The following SLC35F4 variants were observed in gnomAD, a reference collection of about 807,000 sequenced individuals.
SLC35F4 encodes solute carrier family 35 member F4, also known as chromosome 14 open reading frame 36.
SLC35F4 carries 24 observed loss-of-function variants against 44.2 expected under a neutral mutation model. The ratio of observed to expected loss-of-function variants is 0.54; its 90% CI spans 0.39 to 0.76. The LOEUF is 0.76. Ranked by LOEUF, SLC35F4 falls within the 30% of genes least tolerant of loss-of-function variation. The pLI, the probability that SLC35F4 is intolerant of heterozygous loss-of-function variation, is 0.00. For synonymous variants in SLC35F4, 238 were observed against 223.6 expected (o/e 1.06, Z -0.57); for missense variants, 562 against 586.1 (o/e 0.96, Z 0.42).
chr14:57,953,026 G>A (rs1890169245), intron 1 of SLC35F4, among the ~76,000 whole-genome samples: 2 of 152,060 alleles, frequency 1.3e-5, no homozygotes, highest in South Asian at 4.1e-4. Context: ...AAATGTTAAG[G>A]GGAGCCAGAG....
intron 1 of SLC35F4, among the ~76,000 whole-genome samples, chr14:57,854,505 G>A (rs979166450): frequency 2.0e-5 from 3 of 152,092 alleles, no homozygotes; most frequent in African/African-American, 7.2e-5. Context: ...TACTTCCAAT[G>A]GACATTCCCG....
At chr14:57,679,491 A>C (rs560552140) in intron 1 of SLC35F4, among the ~76,000 whole-genome samples, 2 of 152,194 alleles carry the variant, frequency 1.3e-5, no homozygotes, top group East Asian at 3.9e-4. Context: ...AAACAAATTT[A>C]AAAGCTAGCA....
rs542995126 is a variant in SLC35F4 at position 57,855,397 on chromosome 14, T to G, written c.103+10326A>C. 2.0e-5 allele frequency among the ~76,000 whole-genome samples: 3 copies of G among 152,210 alleles called. No individual in the cohort carries two copies. In the South Asian group the frequency reaches 6.2e-4, roughly 32 times the overall value. On this transcript the variant is annotated intron_variant, in intron 1 of 7. Transcript: ENST00000556826. ...GGCAAAGAATATGAACAGACACTTC[T>G]CAAAAGAAGACATTTATGCAGCCAA...
intron 1 of SLC35F4, among the ~76,000 whole-genome samples, chr14:57,761,030 G>A (rs2077112055): frequency 6.6e-6 from 1 of 151,992 alleles, no homozygotes; most frequent in Non-Finnish European, 1.5e-5. Flanking sequence ...CTTCACCTCA[G>A]GGAATCAGAC....
chr14:57,837,981 A>G (rs1217628350), intron 1 of SLC35F4, among the ~76,000 whole-genome samples: 1 of 152,098 alleles, frequency 6.6e-6, no homozygotes, highest in African/African-American at 2.4e-5. Flanking sequence ...TGTATCTACA[A>G]CTTGAATATG....
chr14:57,676,230 C>A (rs1401087994), intron 1 of SLC35F4, among the ~76,000 whole-genome samples: 3 of 152,064 alleles, frequency 2.0e-5, no homozygotes, highest in Non-Finnish European at 4.4e-5. Flanking sequence ...TACATATATA[C>A]CATGGAATAC....
intron 1 of SLC35F4, among the ~76,000 whole-genome samples, chr14:57,855,857 C>G (rs1428104052): frequency 2.6e-5 from 4 of 152,120 alleles, no homozygotes; most frequent in African/African-American, 7.2e-5. Flanking sequence ...TACTATGCAG[C>G]CATCAAAAAG....
intron 5 of SLC35F4, among the ~76,000 whole-genome samples, chr14:57,570,735 A>C (rs79346900): frequency 1.3e-5 from 2 of 152,358 alleles, no homozygotes; most frequent in East Asian, 3.9e-4. Flanking sequence ...GATTTGGTGC[A>C]TGTCAGAATG....
intron 1 of SLC35F4, among the ~76,000 whole-genome samples, chr14:57,937,600 GAAAAGAAAAGAAAAGAAAAGAAAA>G (rs1566505636): frequency 1.3e-3 from 92 of 70,050 alleles, no homozygotes; most frequent in East Asian, 5.4e-3. Flanking sequence ...GAAAAGAAAA[GAAAAGAAAAGAAAAGAAAAGAAAA>G]GAAAAGAAAA....
intron 1 of SLC35F4, among the ~76,000 whole-genome samples, chr14:57,952,260 C>A (rs1716895055): frequency 6.6e-6 from 1 of 152,060 alleles, no homozygotes. Context: ...AAAAGGATGT[C>A]CACACAAAAA....
intron 1 of SLC35F4, among the ~76,000 whole-genome samples, chr14:57,731,565 A>T (rs1211705235): frequency 6.6e-6 from 1 of 152,198 alleles, no homozygotes; most frequent in African/African-American, 2.4e-5. Flanking sequence ...CGAGCAGCAG[A>T]TCCAGGCAAG....
chr14:57,849,114 T>C (rs542822506), intron 1 of SLC35F4, among the ~76,000 whole-genome samples: 7 of 152,354 alleles, frequency 4.6e-5, no homozygotes, highest in African/African-American at 1.7e-4. Context: ...AAACAGTTTT[T>C]GAGTCCTTCA....
chr14:57,675,805 A>G (rs1262346573), intron 1 of SLC35F4, among the ~76,000 whole-genome samples: 1 of 152,030 alleles, frequency 6.6e-6, no homozygotes, highest in Non-Finnish European at 1.5e-5. Context: ...TGTTTATGTC[A>G]TATGTCACAT....
At chr14:57,916,304 T>A (rs531366916) in intron 1 of SLC35F4, among the ~76,000 whole-genome samples, 2 of 152,320 alleles carry the variant, frequency 1.3e-5, no homozygotes, top group African/African-American at 4.8e-5. Context: ...CTCTTAAAGA[T>A]CCCACCTCTC....
intron 1 of SLC35F4, among the ~76,000 whole-genome samples, chr14:57,771,794 G>C (rs2077370901): frequency 6.6e-6 from 1 of 152,136 alleles, no homozygotes; most frequent in Non-Finnish European, 1.5e-5. Context: ...GGATCTTTCT[G>C]TGTTGTCCAG....
intron 1 of SLC35F4, among the ~76,000 whole-genome samples, chr14:57,758,741 G>C (rs138173556): frequency 1.3e-5 from 2 of 152,026 alleles, no homozygotes; most frequent in East Asian, 3.9e-4. Flanking sequence ...GTTGGACTTT[G>C]GATTTTTCTT....
At chr14:57,667,343 T>C (rs924304945) in intron 1 of SLC35F4, among the ~76,000 whole-genome samples, 3 of 151,996 alleles carry the variant, frequency 2.0e-5, no homozygotes, top group Non-Finnish European at 4.4e-5. Flanking sequence ...TGTTGTTTAT[T>C]TATTTTTACT....
At chr14:57,886,523 T>A (rs942128986) in intron 1 of SLC35F4, among the ~76,000 whole-genome samples, 1 of 152,224 alleles carries the variant, frequency 6.6e-6, no homozygotes, top group African/African-American at 2.4e-5. Flanking sequence ...CATATCCCTA[T>A]TCTTCTAAAT....
intron 1 of SLC35F4, chr14:57,596,745 T>A: frequency 7.5e-7 from 1 of 1,338,778 alleles, no homozygotes; most frequent in South Asian, 1.1e-5. Context: ...GCCACACCAG[T>A]GATTTATCTT....
Sources: allele counts gnomAD v4.1 joint callset (sites outside exome capture counted in the v4.1 genomes callset), GRCh38; gene constraint gnomAD v4.1.1; transcripts MANE v1.5; gene names NCBI Gene and HGNC (gene_info 2026-07-23, HGNC 2026-07-21).